Variants in SLC30A9 observed in about 807,000 individuals in gnomAD.
SLC30A9 encodes the protein proton-coupled zinc antiporter SLC30A9, mitochondrial.
In SLC30A9, 58 loss-of-function variants were observed where a neutral mutation model predicts 87.5. That is an observed-to-expected ratio of 0.66 (90% confidence interval 0.54 to 0.82). The LOEUF (loss-of-function observed/expected upper bound fraction) is 0.82. Among genes scored for constraint, SLC30A9 ranks in the 40% least tolerant of loss-of-function variants. The pLI, the probability that SLC30A9 is intolerant of heterozygous loss-of-function variation, is 0.00. For missense variants in SLC30A9, 557 were observed against 679.1 expected (o/e 0.82, Z 2.00); for synonymous variants, 234 against 233.0 (o/e 1.00, Z -0.04).
rs565638781 is a variant in SLC30A9 at position 42,005,827 on chromosome 4, A to G, written c.274+4047A>G. Among the ~76,000 whole-genome samples, 42 of 152,334 alleles carry G rather than the reference A, an allele frequency of 2.8e-4. 1 individual carries two copies. The highest frequency in any genetic ancestry group is 9.4e-4 in the African/African-American group (39 of 41,580). ...TATTCATTTATTCATTAATTTACTCAAGAAATATTTATTGAGCACTTTTTA... is the reference window on the plus strand; with the variant it reads ...TATTCATTTATTCATTAATTTACTCGAGAAATATTTATTGAGCACTTTTTA... On this transcript the variant is annotated intron_variant, in intron 2 of 17. Coordinates refer to ENST00000264451, the MANE Select transcript of SLC30A9 (RefSeq NM_006345.4).
At chr4:42,084,873 C>A (rs990174998) in intron 17 of SLC30A9, among the ~76,000 whole-genome samples, 9 of 152,222 alleles carry the variant, frequency 5.9e-5, no homozygotes, top group Non-Finnish European at 1.2e-4. Context: ...TTACCTATAT[C>A]ACCTCACTAC....
intron 2 of SLC30A9, among the ~76,000 whole-genome samples, chr4:42,005,309 A>G (rs1212881046): frequency 6.6e-6 from 1 of 152,146 alleles, no homozygotes; most frequent in East Asian, 1.9e-4. Flanking sequence ...CATTATTGGG[A>G]CCACATTAAA....
rs1255564747 is a variant in SLC30A9, at chr4:42,028,212, G to A, written c.610+4828G>A. On this transcript the variant is annotated intron_variant, in intron 6 of 17. Transcript: ENST00000264451. ...AGCACACTGCAACCTCCGCCTCCTG[G>A]GTTCAAGTGATTCTCCTGCCTCAGC... Among the ~76,000 whole-genome samples the A allele has an allele frequency of 2.0e-5, 3 of 152,138 alleles. No homozygotes were observed. In the South Asian group the frequency reaches 6.2e-4, roughly 32 times the overall value.
intron 1 of SLC30A9, among the ~76,000 whole-genome samples, chr4:41,997,601 C>T (rs896694337): frequency 1.1e-4 from 16 of 151,786 alleles, no homozygotes; most frequent in Admixed American, 1.0e-3. Flanking sequence ...GAGTGTTTTT[C>T]CTTGTTATTA....
chr4:42,074,932 T>C (rs1158073167), intron 15 of SLC30A9, among the ~76,000 whole-genome samples: 1 of 149,314 alleles, frequency 6.7e-6, no homozygotes, highest in Non-Finnish European at 1.5e-5. Context: ...AATTTTTATA[T>C]GGCATTTAGG....
intron 9 of SLC30A9, among the ~76,000 whole-genome samples, chr4:42,057,438 G>T (rs1322983246): frequency 6.6e-6 from 1 of 152,212 alleles, no homozygotes; most frequent in Non-Finnish European, 1.5e-5. Flanking sequence ...AGCTGCCAAG[G>T]CTTGGGGCTT....
At chr4:41,992,650 G>T (rs1577672422) in intron 1 of SLC30A9, among the ~76,000 whole-genome samples, 1 of 152,260 alleles carries the variant, frequency 6.6e-6, no homozygotes, top group Non-Finnish European at 1.5e-5. Flanking sequence ...AAATGACTTT[G>T]CAAAGTTGTT....
chr4:42,083,594 T>A (rs958602855), intron 17 of SLC30A9, among the ~76,000 whole-genome samples: 3 of 152,152 alleles, frequency 2.0e-5, no homozygotes, highest in African/African-American at 7.2e-5. Context: ...GCAGAGCAAA[T>A]TTTTAGGCTT....
At chr4:42,040,996 G>A (rs1716900600) in intron 8 of SLC30A9, among the ~76,000 whole-genome samples, 1 of 152,106 alleles carries the variant, frequency 6.6e-6, no homozygotes, top group South Asian at 2.1e-4. Flanking sequence ...GGCTAGGGAA[G>A]CCTCACAATC....
chr4:42,063,975 A>G (rs1717976121), intron 11 of SLC30A9, among the ~76,000 whole-genome samples: 1 of 152,164 alleles, frequency 6.6e-6, no homozygotes, highest in African/African-American at 2.4e-5. Flanking sequence ...CATCTTTAAC[A>G]CACTTTCTGT....
intron 10 of SLC30A9, among the ~76,000 whole-genome samples, chr4:42,062,104 G>A (rs975409555): frequency 6.6e-6 from 1 of 150,816 alleles, no homozygotes; most frequent in African/African-American, 2.4e-5. Context: ...TGAGGCAGGA[G>A]AATCATTTGT....
chr4:42,048,751 A>G (rs10433709), intron 8 of SLC30A9, among the ~76,000 whole-genome samples: 90,832 of 152,062 alleles, frequency 0.6, 32,816 homozygotes, highest in East Asian at 0.95. Flanking sequence ...TTATCTACCT[A>G]AAACACATAA....
chr4:42,023,869 G>A (rs375613012), intron 6 of SLC30A9, among the ~76,000 whole-genome samples: 1 of 152,068 alleles, frequency 6.6e-6, no homozygotes, highest in Non-Finnish European at 1.5e-5. Flanking sequence ...GGTGTCAGGC[G>A]AGAGACAGCG....
At chr4:42,085,269 G>A (rs1478589461) in intron 17 of SLC30A9, among the ~76,000 whole-genome samples, 1 of 152,186 alleles carries the variant, frequency 6.6e-6, no homozygotes, top group Non-Finnish European at 1.5e-5. Context: ...CAAAATGGCT[G>A]TCTCATTTTT....
Position 42,089,292 on chromosome 4 carries a change from A to C in SLC30A9, c.*3166A>C, listed in dbSNP as rs1256244168. On this transcript the variant is annotated 3_prime_UTR_variant, in exon 18 of 18. Coordinates refer to ENST00000264451, the MANE Select transcript of SLC30A9 (RefSeq NM_006345.4). ...GGCACATAACCCAATAATAAGTAAA[A>C]AGCATCTGTACCTACTTTTAGCTTT... is the stretch of plus-strand genomic sequence containing the variant. The C allele has an allele frequency of 6.6e-6, 1 of 152,176 alleles. No individual in the cohort carries two copies. Among genetic ancestry groups the C allele is most frequent in the Non-Finnish European group, 1.5e-5 (1 of 68,034 alleles). The allele number at this position is 152,176 out of a possible 1,614,324, so 9.4% of individuals were successfully genotyped here.
intron 9 of SLC30A9, among the ~76,000 whole-genome samples, chr4:42,054,407 A>G (rs1717517211): frequency 6.6e-6 from 1 of 152,120 alleles, no homozygotes; most frequent in Non-Finnish European, 1.5e-5. Flanking sequence ...ATTTCATTGT[A>G]TGTGAATTTT....
intron 9 of SLC30A9, among the ~76,000 whole-genome samples, chr4:42,049,748 A>C (rs1168236063): frequency 6.6e-6 from 1 of 152,214 alleles, no homozygotes; most frequent in Non-Finnish European, 1.5e-5. Context: ...ATGAATTCTC[A>C]ATGACTGTAA....
chr4:42,021,396 T>C (rs953659524), intron 4 of SLC30A9, among the ~76,000 whole-genome samples: 2 of 152,230 alleles, frequency 1.3e-5, no homozygotes, highest in Non-Finnish European at 2.9e-5. Flanking sequence ...TGGTTATTGA[T>C]GTTTTTTAAA....
chr4:42,089,882 CAT>C lies in SLC30A9; in HGVS notation c.*3758_*3759del, dbSNP rs1719040555. 1 of 152,158 alleles carries C rather than the reference CAT, an allele frequency of 6.6e-6. No homozygotes were observed. The highest frequency in any genetic ancestry group is 2.4e-5 in the African/African-American group (1 of 41,428). The allele number at this position is 152,158 out of a possible 1,614,324, so 9.4% of individuals were successfully genotyped here. ...GCATACATCCTCCTACACACACACA[CAT>C]AGTGCAAAGTGAATAACAAAATGTC... is the stretch of plus-strand genomic sequence containing the variant. On this transcript the variant is annotated 3_prime_UTR_variant, in exon 18 of 18. Coordinates refer to ENST00000264451, the MANE Select transcript of SLC30A9 (RefSeq NM_006345.4).
Sources: allele counts gnomAD v4.1 joint callset (sites outside exome capture counted in the v4.1 genomes callset), GRCh38; gene constraint gnomAD v4.1.1; transcripts MANE v1.5; gene names NCBI Gene and HGNC (gene_info 2026-07-23, HGNC 2026-07-21).